The following NCKAP5 variants were observed in gnomAD, a reference collection of about 807,000 sequenced individuals.
NCKAP5 encodes NCK associated protein 5, also known as nck-associated protein 5.
A neutral mutation model predicts 167.0 loss-of-function variants in NCKAP5; 92 were observed. That is an observed-to-expected ratio of 0.55 (90% confidence interval 0.47 to 0.66). The LOEUF is 0.66. Among genes scored for constraint, NCKAP5 ranks in the 30% least tolerant of loss-of-function variants. The pLI, the probability that NCKAP5 is intolerant of heterozygous loss-of-function variation, is 0.00. For missense variants in NCKAP5, 2,378 were observed against 2,315.0 expected (o/e 1.03, Z -0.56); for synonymous variants, 891 against 877.4 (o/e 1.02, Z -0.27).
At chr2:132,781,012 C>CA in intron 15 of NCKAP5, 40 bp downstream of exon 15, 2 of 1,595,282 alleles carry the variant, frequency 1.3e-6, no homozygotes, top group African/African-American at 2.7e-5. Flanking sequence ...CAGAACATCT[C>CA]AGATTGTAGC....
the NCKAP5 span, among the ~76,000 whole-genome samples, chr2:133,578,889 T>G: frequency 6.6e-6 from 1 of 152,178 alleles, no homozygotes; most frequent in Non-Finnish European, 1.5e-5. Context: ...GAACACTGAC[T>G]CAGGGTAAGA....
rs2080840505 is a variant in NCKAP5, at chr2:133,082,419, T to C, written c.341+47559A>G. Among the ~76,000 whole-genome samples, 2 of 152,110 alleles carry C rather than the reference T, an allele frequency of 1.3e-5. 1 individual carries two copies. The highest frequency in any genetic ancestry group is 4.1e-4 in the South Asian group (2 of 4,820). On this transcript the variant is annotated intron_variant, in intron 6 of 19. Coordinates refer to ENST00000409261, the MANE Select transcript of NCKAP5 (RefSeq NM_207363.3). ...TGGAAGAGGTCTAAGAATCATAACA[T>C]ACTGAGTGTGTCAGAGGAAGTCACT...
intron 4 of NCKAP5, among the ~76,000 whole-genome samples, chr2:133,238,156 C>T (rs1327610335): frequency 1.3e-5 from 2 of 152,210 alleles, no homozygotes; most frequent in Non-Finnish European, 2.9e-5. Flanking sequence ...AAAAGTGACA[C>T]TTTAATTATA....
intron 3 of NCKAP5, among the ~76,000 whole-genome samples, chr2:133,480,186 C>G (rs1680301104): frequency 2.0e-5 from 3 of 152,176 alleles, no homozygotes; most frequent in African/African-American, 7.2e-5. Flanking sequence ...CCCACCTCGG[C>G]CTCCCAAAGT....
chr2:133,477,131 C>T (rs1679989248), intron 3 of NCKAP5, among the ~76,000 whole-genome samples: 1 of 152,224 alleles, frequency 6.6e-6, no homozygotes, highest in Non-Finnish European at 1.5e-5. Flanking sequence ...CTATCCTAGT[C>T]AGCAATTAAA....
chr2:132,680,987 T>C (rs941889847), intron 19 of NCKAP5, among the ~76,000 whole-genome samples: 2 of 152,176 alleles, frequency 1.3e-5, no homozygotes, highest in South Asian at 4.1e-4. Flanking sequence ...TCCGATTTGA[T>C]GAGTTGTGGT....
At chr2:132,688,440 A>G (rs1235364613) in intron 19 of NCKAP5, among the ~76,000 whole-genome samples, 1 of 152,220 alleles carries the variant, frequency 6.6e-6, no homozygotes, top group African/African-American at 2.4e-5. Flanking sequence ...TTTTCAGGTA[A>G]TAATCATATT....
chr2:133,156,847 C>A (rs549724302), intron 5 of NCKAP5, among the ~76,000 whole-genome samples: 1 of 152,084 alleles, frequency 6.6e-6, no homozygotes, highest in East Asian at 1.9e-4. Flanking sequence ...TGAACATGAG[C>A]CAGATTTTTT....
chr2:133,131,169 G>A (rs2082589154), intron 5 of NCKAP5, among the ~76,000 whole-genome samples: 1 of 152,138 alleles, frequency 6.6e-6, no homozygotes, highest in African/African-American at 2.4e-5. Flanking sequence ...GCATTCTGAG[G>A]ATCATGAAAG....
intron 3 of NCKAP5, among the ~76,000 whole-genome samples, chr2:133,461,786 T>C (rs749303197): frequency 6.6e-6 from 1 of 152,206 alleles, no homozygotes; most frequent in Non-Finnish European, 1.5e-5. Context: ...TCCTACATAC[T>C]ACTACTACCG....
chr2:133,548,737 A>G (rs941875579), intron 2 of NCKAP5, among the ~76,000 whole-genome samples: 1 of 152,210 alleles, frequency 6.6e-6, no homozygotes, highest in Admixed American at 6.5e-5. Context: ...AGCGCTAAAC[A>G]TGGAAAGGAA....
At chr2:133,583,032 C>T in the NCKAP5 span, among the ~76,000 whole-genome samples, 3 of 152,118 alleles carry the variant, frequency 2.0e-5, no homozygotes, top group Non-Finnish European at 4.4e-5. Flanking sequence ...ACTGATACAA[C>T]CTTTCTGGGA....
intron 8 of NCKAP5, among the ~76,000 whole-genome samples, chr2:132,940,429 G>T (rs1319185170): frequency 1.3e-5 from 2 of 151,918 alleles, no homozygotes; most frequent in Admixed American, 6.6e-5. Flanking sequence ...ACTTTCATGG[G>T]GTATTTACAC....
chr2:132,680,250 A>G (rs1485214354), intron 19 of NCKAP5, among the ~76,000 whole-genome samples: 1 of 151,964 alleles, frequency 6.6e-6, no homozygotes, highest in Non-Finnish European at 1.5e-5. Context: ...ATAGAGAACC[A>G]CTCTCTCCCT....
At chr2:133,265,487 G>A (rs1040394509) in intron 4 of NCKAP5, among the ~76,000 whole-genome samples, 2 of 152,192 alleles carry the variant, frequency 1.3e-5, no homozygotes, top group Non-Finnish European at 2.9e-5. Context: ...TTGCACCAGC[G>A]CTCCGCTCTG....
the NCKAP5 span, among the ~76,000 whole-genome samples, chr2:133,648,543 G>A: frequency 1.3e-5 from 2 of 151,982 alleles, no homozygotes; most frequent in Non-Finnish European, 2.9e-5. Flanking sequence ...ATAGACTGAA[G>A]TCATACCAAA....
At chr2:133,635,118 C>T in the NCKAP5 span, among the ~76,000 whole-genome samples, 1 of 152,120 alleles carries the variant, frequency 6.6e-6, no homozygotes, top group East Asian at 1.9e-4. Flanking sequence ...AGGTGATCCA[C>T]CTGCCTTGGC....
intron 4 of NCKAP5, among the ~76,000 whole-genome samples, chr2:133,261,634 T>C (rs565275333): frequency 4.6e-5 from 7 of 152,288 alleles, no homozygotes; most frequent in African/African-American, 1.7e-4. Flanking sequence ...CCAAGCACAG[T>C]GACTTTTTAC....
chr2:133,240,727 C>A (rs1224008641), intron 4 of NCKAP5, among the ~76,000 whole-genome samples: 1 of 152,186 alleles, frequency 6.6e-6, no homozygotes, highest in East Asian at 1.9e-4. Context: ...CTGGCCCAGA[C>A]CCAAGCTGGC....
Sources: gnomAD v4.1 joint callset for allele counts (sites outside exome capture counted in the v4.1 genomes callset) on GRCh38, gnomAD v4.1.1 for gene constraint, MANE v1.5 for transcripts, NCBI Gene and HGNC (gene_info 2026-07-23, HGNC 2026-07-21) for gene names.